YEATS4: variants seen among roughly 807,000 people sequenced by gnomAD.
The protein encoded by YEATS4 is YEATS domain-containing protein 4.
YEATS4 carries 17 observed loss-of-function variants against 30.1 expected under a neutral mutation model. That is an observed-to-expected ratio of 0.56 (90% CI 0.39 to 0.85). The LOEUF is 0.85. YEATS4 is among the 40% of genes least tolerant of loss of function. The probability of loss-of-function intolerance (pLI) is 0.00; values close to 1 mark genes in which losing one functional copy is unlikely to be tolerated. For missense variants in YEATS4, 142 were observed against 268.3 expected (o/e 0.53, Z 3.29); for synonymous variants, 85 against 87.5 (o/e 0.97, Z 0.16).
chr12:69,385,088 T>G (rs903739331), intron 6 of YEATS4, among the ~76,000 whole-genome samples: 1 of 152,128 alleles, frequency 6.6e-6, no homozygotes, highest in African/African-American at 2.4e-5. Context: ...CGTAGCTCAC[T>G]GTAGCCTCAA....
At chr12:69,417,901 T>C in the YEATS4 span, among the ~76,000 whole-genome samples, 1 of 142,460 alleles carries the variant, frequency 7.0e-6, no homozygotes, top group Non-Finnish European at 1.5e-5. Flanking sequence ...TGAAGCCAAA[T>C]GCCCCTTAAA....
Position 69,370,725 on chromosome 12 carries a change from TA to T in YEATS4, c.356del (p.Lys119SerfsTer24). On this transcript the variant is annotated frameshift_variant, in exon 5 of 7. Transcript: ENST00000247843. LOFTEE classifies it high-confidence loss of function. The stretch of plus-strand genomic sequence containing the variant: ...TCACAGGTAACCCTGTATCATTTGC[TA>T]AAGCTGTTTCAATCAGACACCAATG... ...NERPVTLYHL[L>X]KLFQSDTNAM... 2 of 1,580,680 alleles carry T rather than the reference TA, an allele frequency of 1.3e-6. No individual in the cohort carries two copies. Among genetic ancestry groups the T allele is most frequent in the African/African-American group, 1.4e-5 (1 of 73,316 alleles).
At chr12:69,387,755 CTA>C (rs1868269029) in intron 6 of YEATS4, among the ~76,000 whole-genome samples, 3 of 152,282 alleles carry the variant, frequency 2.0e-5, no homozygotes, top group Admixed American at 6.5e-5. Flanking sequence ...TATCAGCAGA[CTA>C]TTTCTGGGAA....
chr12:69,398,860 T>C, the YEATS4 span, among the ~76,000 whole-genome samples: 2 of 149,410 alleles, frequency 1.3e-5, no homozygotes, highest in Non-Finnish European at 3.0e-5. Flanking sequence ...TTAAAAACTT[T>C]TGTGCTTTGG....
chr12:69,385,954 C>T (rs764793327), intron 6 of YEATS4, among the ~76,000 whole-genome samples: 54 of 152,176 alleles, frequency 3.5e-4, no homozygotes, highest in Non-Finnish European at 2.9e-4. Context: ...AAAATCTGTC[C>T]ACTTAACTAA....
chr12:69,401,774 G>T, the YEATS4 span, among the ~76,000 whole-genome samples: 1 of 152,144 alleles, frequency 6.6e-6, no homozygotes, highest in Admixed American at 6.6e-5. Flanking sequence ...GTACTCTGAG[G>T]TTTCTTGTCT....
intron 6 of YEATS4, among the ~76,000 whole-genome samples, chr12:69,385,877 G>C (rs1386580110): frequency 6.6e-6 from 1 of 152,096 alleles, no homozygotes; most frequent in Non-Finnish European, 1.5e-5. Flanking sequence ...CCATTTTGTA[G>C]GTAAAAGCTC....
At chr12:69,417,856 GAAAAAAAAA>G in the YEATS4 span, among the ~76,000 whole-genome samples, 3 of 101,968 alleles carry the variant, frequency 2.9e-5, no homozygotes, top group South Asian at 6.5e-4. Flanking sequence ...TTACAATAGG[GAAAAAAAAA>G]AAAAAAAAAA....
chr12:69,362,818 G>A lies in YEATS4; in HGVS notation c.82G>A (p.Gly28Ser), dbSNP rs1363296793. ...GVTIVKPIVYGNVARYFGKKR... is the reference protein window; with the variant it reads ...GVTIVKPIVYSNVARYFGKKR... Reference sequence around the variant, plus strand: ...TACTATCGTTAAACCAATAGTTTACGGTAATGTTGCTCGGTATTTTGGAAA... The same window carrying A: ...TACTATCGTTAAACCAATAGTTTACAGTAATGTTGCTCGGTATTTTGGAAA... Residue 28 changes from glycine to serine, a missense_variant, in exon 2 of 7, where the codon GGT becomes AGT. This residue lies in a region of YEATS4 where 25 missense variants were observed against 35.7 expected (regional missense o/e 0.70). Transcript: ENST00000247843. 4.3e-6 allele frequency: 7 copies of A among 1,610,392 alleles called. No individual in the cohort carries two copies. The highest frequency in any genetic ancestry group is 1.7e-5 in the Admixed American group (1 of 59,844).
At chr12:69,375,637 C>T (rs1340376168) in intron 6 of YEATS4, among the ~76,000 whole-genome samples, 1 of 152,174 alleles carries the variant, frequency 6.6e-6, no homozygotes, top group Non-Finnish European at 1.5e-5. Flanking sequence ...GAGCGAGACT[C>T]CGTCTGCAAT....
At chr12:69,361,249 G>C (rs1875194074) in intron 1 of YEATS4, 1 of 138,498 alleles carries the variant, frequency 7.2e-6, no homozygotes, top group Non-Finnish European at 1.5e-5. Context: ...TTATGTGTGT[G>C]TGTGTGTGTG....
intron 6 of YEATS4, among the ~76,000 whole-genome samples, chr12:69,386,506 T>C (rs1256055756): frequency 6.6e-6 from 1 of 152,196 alleles, no homozygotes; most frequent in African/African-American, 2.4e-5. Flanking sequence ...CCTTTCTACT[T>C]GATTTGAATC....
In YEATS4 at chr12:69,363,964, G is replaced by T. The variant is rs150746084; in HGVS notation, c.171+1057G>T. Among the ~76,000 whole-genome samples, 11 of 152,214 alleles carry T rather than the reference G, an allele frequency of 7.2e-5. No individual in the cohort carries two copies. In the East Asian group the frequency reaches 2.1e-3, roughly 29 times the overall value. On this transcript the variant is annotated intron_variant, in intron 2 of 6. Transcript: ENST00000247843. The stretch of plus-strand genomic sequence containing the variant: ...AGTAAAAGAAGCCAAATATAAAAAA[G>T]GCCAAATATTATATGCTTTTATTTA...
intron 2 of YEATS4, 57 bp from the exon 3 acceptor site, chr12:69,365,576 T>A: frequency 7.8e-7 from 1 of 1,283,248 alleles, no homozygotes; most frequent in South Asian, 1.3e-5. Context: ...CTCAGTGTAT[T>A]TTTTTTCCTA....
At chr12:69,367,021 C>T (rs1875461044) in intron 4 of YEATS4, among the ~76,000 whole-genome samples, 1 of 152,164 alleles carries the variant, frequency 6.6e-6, no homozygotes, top group Non-Finnish European at 1.5e-5. Flanking sequence ...GACCCAATGA[C>T]GTAGACTTAC....
At chr12:69,409,822 A>G in the YEATS4 span, among the ~76,000 whole-genome samples, 1 of 152,146 alleles carries the variant, frequency 6.6e-6, no homozygotes, top group Non-Finnish European at 1.5e-5. Flanking sequence ...AAATTAGGTC[A>G]TTAGGGTGGG....
chr12:69,415,147 AAG>A, the YEATS4 span, among the ~76,000 whole-genome samples: 1 of 152,184 alleles, frequency 6.6e-6, no homozygotes, highest in Non-Finnish European at 1.5e-5. Context: ...GGAAGGCAGT[AAG>A]AGAGAAAGAA....
the YEATS4 span, among the ~76,000 whole-genome samples, chr12:69,409,631 T>C: frequency 6.6e-6 from 1 of 150,912 alleles, no homozygotes; most frequent in African/African-American, 2.4e-5. Flanking sequence ...AAAAAAAAGA[T>C]ATATATATAT....
chr12:69,422,306 C>T, the YEATS4 span, among the ~76,000 whole-genome samples: 5 of 152,118 alleles, frequency 3.3e-5, no homozygotes, highest in African/African-American at 4.8e-5. Flanking sequence ...GTAAAGCTCT[C>T]TCAGGTCCTC....
Sources: allele counts gnomAD v4.1 joint callset (sites outside exome capture counted in the v4.1 genomes callset), GRCh38; gene constraint gnomAD v4.1.1; regional missense constraint gnomAD v4.1.1; transcripts MANE v1.5; gene names NCBI Gene and HGNC (gene_info 2026-07-23, HGNC 2026-07-21).